DIP2B: variants seen among roughly 807,000 people sequenced by gnomAD.
DIP2B encodes disco-interacting protein 2 homolog B.
In DIP2B, 76 loss-of-function variants were observed where a neutral mutation model predicts 198.0. The observed-to-expected ratio is 0.38, with a 90% CI of 0.32 to 0.46. The LOEUF (loss-of-function observed/expected upper bound fraction) is 0.46. DIP2B is among the 20% of genes least tolerant of loss of function. The pLI, the probability that DIP2B is intolerant of heterozygous loss-of-function variation, is 0.99. For missense variants in DIP2B, 1,559 were observed against 1,978.4 expected, an observed-to-expected ratio of 0.79 and a Z score of 4.02; for synonymous variants, 701 against 739.1, an observed-to-expected ratio of 0.95 and a Z score of 0.84.
At chr12:50,536,206 A>G (rs1249459483) in intron 1 of DIP2B, among the ~76,000 whole-genome samples, 1 of 152,070 alleles carries the variant, frequency 6.6e-6, no homozygotes, top group Non-Finnish European at 1.5e-5. Context: ...TCCTTTGGGT[A>G]TAGAGCCCAG....
intron 1 of DIP2B, among the ~76,000 whole-genome samples, chr12:50,539,917 C>T (rs1312826857): frequency 6.6e-6 from 1 of 152,036 alleles, no homozygotes; most frequent in Non-Finnish European, 1.5e-5. Flanking sequence ...GTCTTTTCTG[C>T]ATTATGAGAT....
chr12:50,536,641 C>T (rs1958270174), intron 1 of DIP2B, among the ~76,000 whole-genome samples: 1 of 150,966 alleles, frequency 6.6e-6, no homozygotes, highest in African/African-American at 2.4e-5. Flanking sequence ...GGTCTTGGCT[C>T]ACTGCAACCT....
At chr12:50,741,280 G>C in intron 36 of DIP2B, 136 bp from the exon 37 acceptor site, 1 of 995,950 alleles carries the variant, frequency 1.0e-6, no homozygotes, top group Non-Finnish European at 1.4e-6. Flanking sequence ...GAGCCTTAAG[G>C]AATTTGCCCA....
At chr12:50,720,807 G>A (rs555742419) in intron 25 of DIP2B, among the ~76,000 whole-genome samples, 2 of 152,172 alleles carry the variant, frequency 1.3e-5, no homozygotes, top group South Asian at 4.2e-4. Context: ...GAAAGAAAAA[G>A]CGTCCCATAC....
At position 50,589,011 on chromosome 12, in the gene DIP2B, T is replaced by C. The variant is rs540739463; in HGVS notation, c.101-36965T>C. Among the ~76,000 whole-genome samples, 4 of 151,672 alleles carry C rather than the reference T, an allele frequency of 2.6e-5. No homozygotes were observed. The South Asian group carries it at 6.3e-4, about 24-fold the overall frequency. ...CATCCTGGCTAACACGGTGAAACCC[T>C]GTCTCTACTAAAAATACAAAAAATT... is the stretch of plus-strand genomic sequence containing the variant. On this transcript the variant is annotated intron_variant, in intron 1 of 37. Coordinates refer to ENST00000301180, the MANE Select transcript of DIP2B (RefSeq NM_173602.3).
intron 2 of DIP2B, among the ~76,000 whole-genome samples, chr12:50,630,615 A>G (rs1938028531): frequency 6.6e-6 from 1 of 151,756 alleles, no homozygotes; most frequent in Non-Finnish European, 1.5e-5. Flanking sequence ...TAAAGGACAC[A>G]AGGACTTTAG....
intron 22 of DIP2B, among the ~76,000 whole-genome samples, chr12:50,712,031 A>G (rs1939625352): frequency 6.6e-6 from 1 of 152,136 alleles, no homozygotes; most frequent in Non-Finnish European, 1.5e-5. Flanking sequence ...TAAATTAGCT[A>G]GACGCCACTG....
intron 1 of DIP2B, among the ~76,000 whole-genome samples, chr12:50,518,023 T>C (rs1958081217): frequency 6.6e-6 from 1 of 152,168 alleles, no homozygotes; most frequent in Non-Finnish European, 1.5e-5. Flanking sequence ...AGTAAGTAGG[T>C]GCTGAATACA....
At chr12:50,664,052 G>A (rs1039580913) in intron 4 of DIP2B, among the ~76,000 whole-genome samples, 2 of 152,048 alleles carry the variant, frequency 1.3e-5, no homozygotes, top group African/African-American at 4.8e-5. Flanking sequence ...TGCACTTGCT[G>A]TCTTGTATGC....
At position 50,505,069 on chromosome 12, in the gene DIP2B, G is replaced by A. The variant is rs1278287948; in HGVS notation, c.-72G>A. ...CCGGAGCCGGATCCTGTAGCCGGGT[G>A]TGGGCCCGTGTCTGTCCGTCCCTCC... On this transcript the variant is annotated 5_prime_UTR_variant, in exon 1 of 38. In the 5' UTR this introduces an upstream ATG that the reference lacks. Transcript: ENST00000301180. The A allele has an allele frequency of 7.0e-7, 1 of 1,423,044 alleles. No homozygotes were observed. The highest frequency in any genetic ancestry group is 1.5e-5 in the African/African-American group (1 of 68,126). The allele number at this position is 1,423,044 out of a possible 1,614,324, so 88.2% of individuals were successfully genotyped here. A position where few individuals can be genotyped will look rare whatever the true frequency, so the allele number is the denominator to read the frequency against.
chr12:50,717,317 G>C (rs1174995682), intron 23 of DIP2B, among the ~76,000 whole-genome samples: 2 of 146,614 alleles, frequency 1.4e-5, no homozygotes, highest in Non-Finnish European at 3.0e-5. Context: ...TAACACTGTT[G>C]CCCAGGCTGG....
intron 1 of DIP2B, among the ~76,000 whole-genome samples, chr12:50,534,220 C>T (rs1958243630): frequency 6.6e-6 from 1 of 152,070 alleles, no homozygotes; most frequent in South Asian, 2.1e-4. Context: ...CATCAACAGG[C>T]TGAGGACTCA....
intron 3 of DIP2B, among the ~76,000 whole-genome samples, chr12:50,647,978 CG>C (rs1938379465): frequency 3.9e-5 from 6 of 152,074 alleles, no homozygotes; most frequent in Admixed American, 3.9e-4. Context: ...TGGTGGCGTG[CG>C]CCTGTAGTAC....
chr12:50,514,574 T>G (rs181474598), intron 1 of DIP2B, among the ~76,000 whole-genome samples: 9 of 152,312 alleles, frequency 5.9e-5, no homozygotes, highest in Non-Finnish European at 1.2e-4. Flanking sequence ...GATCTCACTT[T>G]ATTGATTGAT....
chr12:50,734,603 G>A (rs1028461102), intron 33 of DIP2B, among the ~76,000 whole-genome samples: 6 of 152,112 alleles, frequency 3.9e-5, no homozygotes, highest in African/African-American at 1.2e-4. Flanking sequence ...AGCCCAGAAG[G>A]GAATTTTAGC....
intron 1 of DIP2B, among the ~76,000 whole-genome samples, chr12:50,617,244 C>G (rs552273018): frequency 6.6e-6 from 1 of 151,856 alleles, no homozygotes; most frequent in South Asian, 2.1e-4. Flanking sequence ...CAAGTTCCAC[C>G]TCCCGGGTTC....
chr12:50,625,910 T>C lies in DIP2B; in HGVS notation c.101-66T>C, dbSNP rs747749028. 6 of 1,538,358 alleles carry C rather than the reference T, an allele frequency of 3.9e-6. No individual in the cohort carries two copies. In the Admixed American group the frequency reaches 6.9e-5, roughly 18 times the overall value. ...TTCTATAACTCTGTAATTAATTTTA[T>C]TTTTACAGTGGAAAACCACAGAGTA... On this transcript the variant is annotated intron_variant, in intron 1 of 37. Coordinates refer to ENST00000301180, the MANE Select transcript of DIP2B (RefSeq NM_173602.3).
At chr12:50,530,325 C>G (rs1015133275) in intron 1 of DIP2B, among the ~76,000 whole-genome samples, 1 of 152,148 alleles carries the variant, frequency 6.6e-6, no homozygotes, top group Non-Finnish European at 1.5e-5. Context: ...CATGATCTGC[C>G]CGCCTCAGCC....
At chr12:50,667,241 A>G (rs1938771172) in intron 4 of DIP2B, among the ~76,000 whole-genome samples, 1 of 152,220 alleles carries the variant, frequency 6.6e-6, no homozygotes, top group African/African-American at 2.4e-5. Flanking sequence ...CCAGTATTCA[A>G]TGGTGCCTTG....
Sources: allele counts gnomAD v4.1 joint callset (sites outside exome capture counted in the v4.1 genomes callset), GRCh38; gene constraint gnomAD v4.1.1; transcripts MANE v1.5; gene names NCBI Gene and HGNC (gene_info 2026-07-23, HGNC 2026-07-21).